The following ZNF705G variants were observed in gnomAD, a reference collection of about 807,000 sequenced individuals.
The protein encoded by ZNF705G is zinc finger protein 705G.
Under a neutral mutation model 19.6 loss-of-function variants are expected in ZNF705G, and 23 were observed. The observed-to-expected ratio is 1.17, with a 90% CI of 0.84 to 1.66. The LOEUF is 1.66. Ranked by LOEUF, ZNF705G falls within the 40% of genes most tolerant of loss-of-function variation. ZNF705G has a pLI of 0.00. For missense variants in ZNF705G, 457 were observed against 354.4 expected, an observed-to-expected ratio of 1.29 and a Z score of -2.32; for synonymous variants, 146 against 117.7, an observed-to-expected ratio of 1.24 and a Z score of -1.56.
chr8:7,382,216 A>C (rs374187345), intron 1 of ZNF705G, among the ~76,000 whole-genome samples: 1 of 150,350 alleles, frequency 6.7e-6, no homozygotes, highest in Non-Finnish European at 1.5e-5. Flanking sequence ...ACAACAATTC[A>C]TCTAGAGAGA....
At chr8:7,360,688 A>G (rs922365918) in intron 4 of ZNF705G, among the ~76,000 whole-genome samples, 4 of 149,584 alleles carry the variant, frequency 2.7e-5, no homozygotes, top group African/African-American at 1.0e-4. Context: ...AAAAAAAAAC[A>G]TTCGATTTAC....
At chr8:7,380,551 C>A (rs1807442678) in intron 2 of ZNF705G, among the ~76,000 whole-genome samples, 1 of 147,362 alleles carries the variant, frequency 6.8e-6, no homozygotes, top group Non-Finnish European at 1.5e-5. Flanking sequence ...CACATATTTG[C>A]ACCAGGTGAA....
intron 2 of ZNF705G, among the ~76,000 whole-genome samples, chr8:7,378,036 A>T (rs1461183037): frequency 1.3e-5 from 2 of 148,914 alleles, no homozygotes; most frequent in Non-Finnish European, 2.9e-5. Flanking sequence ...CTTCTATCCC[A>T]TCTAGATGAG....
At chr8:7,384,316 G>A (rs527867904) in intron 1 of ZNF705G, among the ~76,000 whole-genome samples, 2 of 145,494 alleles carry the variant, frequency 1.4e-5, no homozygotes, top group Admixed American at 6.6e-5. Context: ...ATCTTAGGAG[G>A]AGTCAATTGC....
At position 7,358,088 on chromosome 8, in the gene ZNF705G, G is replaced by C; in HGVS notation, c.791C>G (p.Ala264Gly). 6.2e-7 allele frequency: 1 copy of C among 1,608,012 alleles called. No homozygotes were observed. The highest frequency in any genetic ancestry group is 8.5e-7 in the Non-Finnish European group (1 of 1,179,770). The change falls in exon 7 of 7, where the codon GCC (alanine) becomes GGC (glycine). Residue 264 changes from alanine to glycine, a missense_variant. Ala to Gly is a moderately conservative substitution (Grantham distance 60, BLOSUM62 0). Coordinates refer to ENST00000400156, the MANE Select transcript of ZNF705G (RefSeq NM_001164457.3). The stretch of plus-strand genomic sequence containing the variant: ...TCTAAAGCCAGAGCTTTGACTAAAG[G>C]CTTTCCCACTTTTATCACATTCATA... ...KCYECDKSGKAFSQSSGFRGN... is the reference protein window; with the variant it reads ...KCYECDKSGKGFSQSSGFRGN...
At chr8:7,361,083 T>A (rs779783932) in intron 4 of ZNF705G, 27 bp downstream of exon 4, 5 of 1,592,854 alleles carry the variant, frequency 3.1e-6, no homozygotes, top group Non-Finnish European at 4.2e-6. Context: ...TGTCTCTACA[T>A]ATGTACATGA....
chr8:7,361,878 C>G (rs1387630959), intron 3 of ZNF705G, among the ~76,000 whole-genome samples: 3 of 149,582 alleles, frequency 2.0e-5, no homozygotes, highest in Admixed American at 2.0e-4. Context: ...ATATAGGATT[C>G]AATTCATATA....
At chr8:7,380,732 G>C (rs1192532702) in intron 2 of ZNF705G, among the ~76,000 whole-genome samples, 11 of 146,632 alleles carry the variant, frequency 7.5e-5, no homozygotes, top group Non-Finnish European at 1.5e-4. Flanking sequence ...GTCACTGCTG[G>C]CACTTGAGAA....
At chr8:7,380,481 G>T (rs1352687037) in intron 2 of ZNF705G, among the ~76,000 whole-genome samples, 1 of 147,466 alleles carries the variant, frequency 6.8e-6, no homozygotes, top group Non-Finnish European at 1.5e-5. Context: ...GTACCTGTGT[G>T]TCTCCTGAGA....
intron 2 of ZNF705G, among the ~76,000 whole-genome samples, chr8:7,367,336 G>T (rs1411571084): frequency 6.7e-6 from 1 of 149,312 alleles, no homozygotes; most frequent in Non-Finnish European, 1.5e-5. Context: ...CAGCACCAGA[G>T]AGAGGCCGTT....
Position 7,358,111 on chromosome 8 carries a change from A to G in ZNF705G, c.768T>C (p.Tyr256=). 8 of 1,607,834 alleles carry G rather than the reference A, an allele frequency of 5.0e-6. No individual in the cohort carries two copies. The highest frequency in any genetic ancestry group is 6.8e-6 in the Non-Finnish European group (8 of 1,179,726). Reference sequence around the variant, plus strand: ...AGGCTTTCCCACTTTTATCACATTCATAACACTTTTTTCCAAGGTGAGTTC... The same window carrying G: ...AGGCTTTCCCACTTTTATCACATTCGTAACACTTTTTTCCAAGGTGAGTTC... ...HERTHLGKKC[Y]ECDKSGKAFS... Residue 256 remains tyrosine, a synonymous_variant, in exon 7 of 7, where the codon TAT becomes TAC. Coordinates refer to ENST00000400156, the MANE Select transcript of ZNF705G (RefSeq NM_001164457.3).
chr8:7,363,362 C>A (rs12549066), intron 2 of ZNF705G, among the ~76,000 whole-genome samples: 12,715 of 142,936 alleles, frequency 0.089, 29 homozygotes, highest in Admixed American at 0.15. Flanking sequence ...TGATTTCCAC[C>A]TATAGATAAA....
chr8:7,380,269 A>G (rs1807429599), intron 2 of ZNF705G, among the ~76,000 whole-genome samples: 2 of 145,744 alleles, frequency 1.4e-5, no homozygotes, highest in Non-Finnish European at 2.9e-5. Context: ...GGGCCAGAGC[A>G]CAGGCCCATC....
chr8:7,358,217 G>A lies in ZNF705G; in HGVS notation c.662C>T (p.Thr221Ile), dbSNP rs1311521354. The A allele has an allele frequency of 1.9e-6, 3 of 1,607,558 alleles. No homozygotes were observed. The highest frequency in any genetic ancestry group is 2.8e-5 in the African/African-American group (2 of 71,232). The part of the protein sequence containing the change: ...QCSHLRRHEK[T>I]HTGQRPYKCH... ...CTTATATGGTCTCTGTCCCGTGTGA[G>A]TTTTCTCGTGTCTTCTAAGGTGAGA... The change falls in exon 7 of 7, where the codon ACT becomes ATT. Residue 221 changes from threonine to isoleucine, a missense_variant. Thr to Ile is a moderately conservative substitution (Grantham distance 89). Transcript: ENST00000400156.
At chr8:7,362,527 A>T (rs1806650235) in intron 3 of ZNF705G, among the ~76,000 whole-genome samples, 1 of 149,556 alleles carries the variant, frequency 6.7e-6, no homozygotes, top group Non-Finnish European at 1.5e-5. Context: ...CACAATCCTA[A>T]GTCTATTTCA....
At chr8:7,384,263 C>A (rs1361269563) in intron 1 of ZNF705G, among the ~76,000 whole-genome samples, 3 of 142,866 alleles carry the variant, frequency 2.1e-5, no homozygotes, top group Admixed American at 1.3e-4. Flanking sequence ...TTGGTGATGG[C>A]TATAGTGTCA....
chr8:7,382,889 C>T (rs1185629621), intron 1 of ZNF705G, among the ~76,000 whole-genome samples: 3 of 146,948 alleles, frequency 2.0e-5, no homozygotes, highest in East Asian at 1.9e-4. Flanking sequence ...ACACCTGTCA[C>T]CTGAGTAGAG....
In ZNF705G at chr8:7,385,485, A is replaced by G. The variant is rs1807684535; in HGVS notation, c.-222+13T>C. On this transcript the variant is annotated intron_variant, in intron 1 of 6. Transcript: ENST00000400156. ...CCCTTATTTAAAACCAGTTGGCCCT[A>G]CTGGAAACCCACCTTGCAGTTGGTT... is the stretch of plus-strand genomic sequence containing the variant. 6.7e-6 allele frequency: 1 copy of G among 149,488 alleles called. No individual in the cohort carries two copies. The highest frequency in any genetic ancestry group is 1.5e-5 in the Non-Finnish European group (1 of 68,206). The allele number at this position is 149,488 out of a possible 1,614,324, so 9.3% of individuals were successfully genotyped here.
chr8:7,360,282 C>G lies in ZNF705G; in HGVS notation c.190G>C (p.Glu64Gln). ...AATACTCTTCCTTCCCTCCACAGCT[C>G]TTTTCCTTGCTCCAGCTGCAAAATT... The part of the protein sequence containing the change: ...YIILQLEQGK[E>Q]LWREGRVFLQ... Residue 64 changes from glutamate (E) to glutamine (Q), a missense_variant, in exon 5 of 7, where the codon GAG (glutamate) becomes CAG (glutamine). Glu to Gln is a conservative substitution (Grantham distance 29). Transcript: ENST00000400156. The G allele has an allele frequency of 1.3e-6, 2 of 1,591,528 alleles. No homozygotes were observed. The highest frequency in any genetic ancestry group is 1.7e-6 in the Non-Finnish European group (2 of 1,179,036).
Sources: allele counts gnomAD v4.1 joint callset (sites outside exome capture counted in the v4.1 genomes callset), GRCh38; gene constraint gnomAD v4.1.1; transcripts MANE v1.5; gene names NCBI Gene and HGNC (gene_info 2026-07-23, HGNC 2026-07-21).